Variants in STAM2 observed in about 807,000 individuals in gnomAD.
The protein encoded by STAM2 is signal transducing adapter molecule 2.
Under a neutral mutation model 65.6 loss-of-function variants are expected in STAM2, and 51 were observed. The ratio of observed to expected loss-of-function variants is 0.78; its 90% CI spans 0.62 to 0.98. The LOEUF is 0.98. Ranked by LOEUF, STAM2 falls within the 50% of genes least tolerant of loss-of-function variation. The probability of loss-of-function intolerance (pLI) is 0.00; values close to 1 mark genes in which losing one functional copy is unlikely to be tolerated. For missense variants in STAM2, 584 were observed against 617.8 expected, an observed-to-expected ratio of 0.95 and a Z score of 0.58; for synonymous variants, 198 against 208.4, an observed-to-expected ratio of 0.95 and a Z score of 0.43.
At chr2:152,131,923 T>C in intron 11 of STAM2, 191 bp downstream of exon 11, 1 of 556,174 alleles carries the variant, frequency 1.8e-6, no homozygotes, top group Non-Finnish European at 3.2e-6. Context: ...TTGTCAGAGC[T>C]TGTTTTTTAG....
rs150493647 is a variant in STAM2 at position 152,166,065 on chromosome 2, T to C, written c.40+9538A>G. 6.0e-3 allele frequency among the ~76,000 whole-genome samples: 906 copies of C among 152,168 alleles called. 13 individuals carry two copies. The highest frequency in any genetic ancestry group is 0.021 in the African/African-American group (869 of 41,510). On this transcript the variant is annotated intron_variant, in intron 1 of 13. Transcript: ENST00000263904. ...TGAAAATACAAAAACTAGCCAGGCA[T>C]GGTGGTGCACATCTGTAGTCCCAGA...
chr2:152,159,688 G>A (rs978674679), intron 1 of STAM2, among the ~76,000 whole-genome samples: 24 of 152,050 alleles, frequency 1.6e-4, no homozygotes, highest in African/African-American at 4.8e-4. Flanking sequence ...AGTTTTCCTC[G>A]TTTTTAAAAG....
At position 152,132,066 on chromosome 2, in the gene STAM2, G is replaced by A. The variant is rs776755747; in HGVS notation, c.1025+48C>T. The stretch of plus-strand genomic sequence containing the variant: ...TACTTTACTGTTTGCCAAAACACAA[G>A]TGAACCCCCCAAAACTATACTTTTT... On this transcript the variant is annotated intron_variant, in intron 11 of 13. Coordinates refer to ENST00000263904, the MANE Select transcript of STAM2 (RefSeq NM_005843.6). 8.6e-6 allele frequency: 12 copies of A among 1,402,108 alleles called. No homozygotes were observed. In the East Asian group the frequency reaches 2.1e-4, roughly 25 times the overall value. 86.9% of individuals were successfully genotyped at this position (1,402,108 alleles called of 1,614,324 possible).
At chr2:152,145,789 T>C (rs1201339743) in intron 5 of STAM2, among the ~76,000 whole-genome samples, 1 of 152,240 alleles carries the variant, frequency 6.6e-6, no homozygotes, top group African/African-American at 2.4e-5. Context: ...GTAAGGAAGG[T>C]CATGCTTGAA....
intron 7 of STAM2, among the ~76,000 whole-genome samples, chr2:152,140,972 C>T (rs540638763): frequency 2.0e-5 from 3 of 150,206 alleles, no homozygotes; most frequent in African/African-American, 7.3e-5. Context: ...CTGTCTCTAC[C>T]CCTAAAAATA....
intron 12 of STAM2, 121 bp from the exon 13 acceptor site, chr2:152,124,056 C>G (rs1177050407): frequency 1.3e-6 from 1 of 790,466 alleles, no homozygotes; most frequent in Non-Finnish European, 2.0e-6. Context: ...CAATCTGATT[C>G]TACCAATCTA....
At chr2:152,134,198 C>T (rs1402655457) in intron 8 of STAM2, among the ~76,000 whole-genome samples, 1 of 152,094 alleles carries the variant, frequency 6.6e-6, no homozygotes, top group South Asian at 2.1e-4. Context: ...AATTTTAAAT[C>T]CCAACTGTTA....
intron 1 of STAM2, among the ~76,000 whole-genome samples, chr2:152,164,699 C>G (rs968241355): frequency 1.3e-5 from 2 of 152,140 alleles, no homozygotes; most frequent in African/African-American, 4.8e-5. Context: ...GCTGCTTCCT[C>G]TGATGGAATA....
chr2:152,125,849 A>AGGT (rs1159275557), intron 12 of STAM2, among the ~76,000 whole-genome samples: 1 of 152,240 alleles, frequency 6.6e-6, no homozygotes, highest in Non-Finnish European at 1.5e-5. Flanking sequence ...TCACCTGGGG[A>AGGT]ACTTCTGATA....
chr2:152,126,164 A>G (rs763125019), intron 12 of STAM2, 62 bp downstream of exon 12: 12 of 1,389,364 alleles, frequency 8.6e-6, no homozygotes, highest in Non-Finnish European at 1.1e-5. Flanking sequence ...GCTATAAAAC[A>G]TTTTCTTTTA....
In STAM2 at chr2:152,118,663, T is replaced by C. The variant is rs1210119890; in HGVS notation, c.*1911A>G. The stretch of plus-strand genomic sequence containing the variant: ...GAAAAAAAGTAAGAAATTCCATATA[T>C]ATGCAAATGTTGACTATTATCGAGA... On this transcript the variant is annotated 3_prime_UTR_variant, in exon 14 of 14. Transcript: ENST00000263904. The C allele has an allele frequency of 6.6e-6, 1 of 151,738 alleles. No homozygotes were observed. Among genetic ancestry groups the C allele is most frequent in the East Asian group, 1.9e-4 (1 of 5,190 alleles). The allele number at this position is 151,738 out of a possible 1,614,324, so 9.4% of individuals were successfully genotyped here. A position where few individuals can be genotyped will look rare whatever the true frequency, so the allele number is the denominator to read the frequency against.
chr2:152,152,907 CA>C (rs1445441455), intron 1 of STAM2, among the ~76,000 whole-genome samples: 7 of 152,116 alleles, frequency 4.6e-5, no homozygotes, highest in African/African-American at 1.7e-4. Flanking sequence ...CAAAAGAAGA[CA>C]GGGGCTTCAT....
chr2:152,120,439 G>T lies in STAM2; in HGVS notation c.*135C>A. The T allele has an allele frequency of 3.3e-6, 2 of 600,118 alleles. No individual in the cohort carries two copies. Among genetic ancestry groups the T allele is most frequent in the Non-Finnish European group, 2.8e-6 (1 of 355,176 alleles). 37.2% of individuals were successfully genotyped at this position (600,118 alleles called of 1,614,324 possible). A position where few individuals can be genotyped will look rare whatever the true frequency, so the allele number is the denominator to read the frequency against. The stretch of plus-strand genomic sequence containing the variant: ...AACCTTTTATGGCCTTGTAGAATAA[G>T]AGAGGTTTTTGTGCTTTATTTATTC... On this transcript the variant is annotated 3_prime_UTR_variant, in exon 14 of 14. Coordinates refer to ENST00000263904, the MANE Select transcript of STAM2 (RefSeq NM_005843.6).
In STAM2 at chr2:152,117,360, A is replaced by G. The variant is rs1688766374; in HGVS notation, c.*3214T>C. 1 of 152,128 alleles carries G rather than the reference A, an allele frequency of 6.6e-6. No individual in the cohort carries two copies. The highest frequency in any genetic ancestry group is 2.4e-5 in the African/African-American group (1 of 41,412). 9.4% of individuals were successfully genotyped at this position (152,128 alleles called of 1,614,324 possible). ...ATTTTTGTAGAGATAGGGTCTTGCC[A>G]TGTTGCCAGGTTGGTCTCAAACTCC... On this transcript the variant is annotated 3_prime_UTR_variant, in exon 14 of 14. Coordinates refer to ENST00000263904, the MANE Select transcript of STAM2 (RefSeq NM_005843.6).
chr2:152,164,675 C>T (rs1030297094), intron 1 of STAM2, among the ~76,000 whole-genome samples: 7 of 152,088 alleles, frequency 4.6e-5, no homozygotes, highest in Non-Finnish European at 1.0e-4. Context: ...TATAATAATA[C>T]AATATATTTA....
At chr2:152,171,627 ACTT>A (rs374663977) in intron 1 of STAM2, among the ~76,000 whole-genome samples, 102 of 152,370 alleles carry the variant, frequency 6.7e-4, no homozygotes, top group African/African-American at 2.4e-3. Flanking sequence ...TTCCTGGTCA[ACTT>A]CTTCTAACAC....
chr2:152,162,703 G>A (rs1472548251), intron 1 of STAM2, among the ~76,000 whole-genome samples: 12 of 152,060 alleles, frequency 7.9e-5, no homozygotes, highest in East Asian at 3.9e-4. Flanking sequence ...GTATAGTGGC[G>A]CGATCTTGGC....
intron 11 of STAM2, among the ~76,000 whole-genome samples, chr2:152,127,163 A>G (rs1212577858): frequency 6.6e-6 from 1 of 152,134 alleles, no homozygotes; most frequent in African/African-American, 2.4e-5. Context: ...TTCATTTTCA[A>G]TAAAACCCTG....
intron 7 of STAM2, 55 bp from the exon 8 acceptor site, chr2:152,135,658 C>G: frequency 8.6e-7 from 1 of 1,156,668 alleles, no homozygotes; most frequent in South Asian, 1.4e-5. Flanking sequence ...ATACAATAAG[C>G]AAAGATGAAT....
Sources: gnomAD v4.1 joint callset for allele counts (sites outside exome capture counted in the v4.1 genomes callset) on GRCh38, gnomAD v4.1.1 for gene constraint, MANE v1.5 for transcripts, NCBI Gene and HGNC (gene_info 2026-07-23, HGNC 2026-07-21) for gene names.